The following OR5M1 variants were observed in gnomAD, a reference collection of about 807,000 sequenced individuals.
OR5M1 encodes the protein olfactory receptor 5M1.
For missense variants in OR5M1, 367 were observed against 379.5 expected (o/e 0.97, Z 0.27); for synonymous variants, 165 against 144.2 (o/e 1.14, Z -1.04).
Position 56,612,550 on chromosome 11 carries a change from C to T in OR5M1, c.*5G>A. 6.3e-7 allele frequency: 1 copy of T among 1,577,022 alleles called. No homozygotes were observed. Among genetic ancestry groups the T allele is most frequent in the Non-Finnish European group, 8.6e-7 (1 of 1,165,892 alleles). On this transcript the variant is annotated 3_prime_UTR_variant, in exon 2 of 2. Coordinates refer to ENST00000641076, the MANE Select transcript of OR5M1 (RefSeq NM_001004740.2). The stretch of plus-strand genomic sequence containing the variant: ...AGCAATTCGTGACTGCAAATAAACA[C>T]AAGCCTAAACTGCAATTTTATGAAA...
chr11:56,613,562 T>C, intron 1 of OR5M1, 43 bp from the exon 2 acceptor site: 2 of 1,495,294 alleles, frequency 1.3e-6, no homozygotes, highest in Non-Finnish European at 1.8e-6. Flanking sequence ...CTGATTCAGA[T>C]TTGGCATTTG....
chr11:56,613,758 C>T (rs1306860183), intron 1 of OR5M1, among the ~76,000 whole-genome samples: 1 of 152,134 alleles, frequency 6.6e-6, no homozygotes, highest in Non-Finnish European at 1.5e-5. Flanking sequence ...TTTCTCTCTG[C>T]CATACATGTA....
At chr11:56,614,560 T>C (rs12277665) in intron 1 of OR5M1, among the ~76,000 whole-genome samples, 90,184 of 151,812 alleles carry the variant, frequency 0.59, 28,378 homozygotes, top group East Asian at 0.86. Context: ...CAAGCCACTC[T>C]CTCTCAGTTC....
At chr11:56,614,632 T>G (rs1021993877) in intron 1 of OR5M1, among the ~76,000 whole-genome samples, 1 of 152,146 alleles carries the variant, frequency 6.6e-6, no homozygotes, top group Non-Finnish European at 1.5e-5. Context: ...TTAAAGCCAT[T>G]GTTTATTTAG....
intron 1 of OR5M1, among the ~76,000 whole-genome samples, chr11:56,613,768 A>C (rs1853712356): frequency 6.6e-6 from 1 of 152,222 alleles, no homozygotes; most frequent in African/African-American, 2.4e-5. Context: ...CCATACATGT[A>C]TACATACATA....
Position 56,609,540 on chromosome 11 carries a change from C to T in OR5M1, c.*3015G>A, listed in dbSNP as rs935605109. 1.3e-5 allele frequency: 2 copies of T among 151,878 alleles called. No homozygotes were observed. Among genetic ancestry groups the T allele is most frequent in the Non-Finnish European group, 2.9e-5 (2 of 67,824 alleles). 9.4% of individuals were successfully genotyped at this position (151,878 alleles called of 1,614,324 possible). Reference sequence around the variant, plus strand: ...TGATTATTCTCAAATATTACTAGTACAGGTTTAAGTTGCTAGAAGCTTTCT... The same window carrying T: ...TGATTATTCTCAAATATTACTAGTATAGGTTTAAGTTGCTAGAAGCTTTCT... On this transcript the variant is annotated 3_prime_UTR_variant, in exon 2 of 2. Transcript: ENST00000641076.
At position 56,610,343 on chromosome 11, in the gene OR5M1, ATTCTTAGGATACATATAAC is replaced by A. The variant is rs1853660869; in HGVS notation, c.*2193_*2211del. ...TTTTCAAGGGAAATTCTCATTAGCTATTCTTAGGATACATATAACTATCACATAATAACCACTATTTCAT... is the reference window on the plus strand; with the variant it reads ...TTTTCAAGGGAAATTCTCATTAGCTATATCACATAATAACCACTATTTCAT... On this transcript the variant is annotated 3_prime_UTR_variant, in exon 2 of 2. Coordinates refer to ENST00000641076, the MANE Select transcript of OR5M1 (RefSeq NM_001004740.2). 1 of 152,124 alleles carries A rather than the reference ATTCTTAGGATACATATAAC, an allele frequency of 6.6e-6. No homozygotes were observed. The highest frequency in any genetic ancestry group is 1.5e-5 in the Non-Finnish European group (1 of 67,968). The allele number at this position is 152,124 out of a possible 1,614,324, so 9.4% of individuals were successfully genotyped here.
At position 56,612,529 on chromosome 11, in the gene OR5M1, A is replaced by G. The variant is rs578070444; in HGVS notation, c.*26T>C. Reference sequence around the variant, plus strand: ...AAGCCAGTTTGTTACTCCACAAGCAATTCGTGACTGCAAATAAACACAAGC... The same window carrying G: ...AAGCCAGTTTGTTACTCCACAAGCAGTTCGTGACTGCAAATAAACACAAGC... On this transcript the variant is annotated 3_prime_UTR_variant, in exon 2 of 2. Coordinates refer to ENST00000641076, the MANE Select transcript of OR5M1 (RefSeq NM_001004740.2). The G allele has an allele frequency of 1.3e-6, 2 of 1,544,416 alleles. No homozygotes were observed. Among genetic ancestry groups the G allele is most frequent in the East Asian group, 2.3e-5 (1 of 44,412 alleles).
chr11:56,610,344 TTC>T lies in OR5M1; in HGVS notation c.*2209_*2210del, dbSNP rs1392085420. The T allele has an allele frequency of 2.0e-5, 3 of 152,126 alleles. No individual in the cohort carries two copies. Among genetic ancestry groups the T allele is most frequent in the African/African-American group, 7.2e-5 (3 of 41,464 alleles). The allele number at this position is 152,126 out of a possible 1,614,324, so 9.4% of individuals were successfully genotyped here. On this transcript the variant is annotated 3_prime_UTR_variant, in exon 2 of 2. Coordinates refer to ENST00000641076, the MANE Select transcript of OR5M1 (RefSeq NM_001004740.2). ...TTTCAAGGGAAATTCTCATTAGCTA[TTC>T]TTAGGATACATATAACTATCACATA...
In OR5M1 at chr11:56,613,434, T is replaced by C. The variant is rs753881438; in HGVS notation, c.69A>G (p.Leu23=). The C allele has an allele frequency of 1.9e-6, 3 of 1,613,502 alleles. No homozygotes were observed. The highest frequency in any genetic ancestry group is 2.2e-5 in the South Asian group (2 of 91,078). The change falls in exon 2 of 2, where the codon CTA becomes CTG. Residue 23 remains leucine, a synonymous_variant. Coordinates refer to ENST00000641076, the MANE Select transcript of OR5M1 (RefSeq NM_001004740.2). ...GGAATACCCCAAACAGGATCTTCTCTAGCACTGGGTCGTCTGTCAGTCCCA... is the reference window on the plus strand; with the variant it reads ...GGAATACCCCAAACAGGATCTTCTCCAGCACTGGGTCGTCTGTCAGTCCCA... ...ILLGLTDDPV[L]EKILFGVFLA...
At position 56,612,354 on chromosome 11, in the gene OR5M1, C is replaced by A; in HGVS notation, c.*201G>T. 2.7e-6 allele frequency: 1 copy of A among 370,178 alleles called. No individual in the cohort carries two copies. Among genetic ancestry groups the A allele is most frequent in the East Asian group, 4.3e-5 (1 of 23,160 alleles). 22.9% of individuals were successfully genotyped at this position (370,178 alleles called of 1,614,324 possible). ...AAATTTATTTTCATAGAATTTCTGA[C>A]AAATAAAACATTTTAAATTTCTCAA... On this transcript the variant is annotated 3_prime_UTR_variant, in exon 2 of 2. Coordinates refer to ENST00000641076, the MANE Select transcript of OR5M1 (RefSeq NM_001004740.2).
At chr11:56,613,553 T>G in intron 1 of OR5M1, 34 bp from the exon 2 acceptor site, 1 of 1,530,378 alleles carries the variant, frequency 6.5e-7, no homozygotes, top group Non-Finnish European at 9.0e-7. Flanking sequence ...GATTTCTCTC[T>G]GATTCAGATT....
Position 56,611,899 on chromosome 11 carries a change from G to A in OR5M1, c.*656C>T, listed in dbSNP as rs1853683349. On this transcript the variant is annotated 3_prime_UTR_variant, in exon 2 of 2. Coordinates refer to ENST00000641076, the MANE Select transcript of OR5M1 (RefSeq NM_001004740.2). ...GTTAAAGTAGTTTGATGATAGAATT[G>A]GATCCATACACTTGGAAACTCATAA... is the stretch of plus-strand genomic sequence containing the variant. 6.6e-6 allele frequency: 1 copy of A among 151,948 alleles called. No individual in the cohort carries two copies. The highest frequency in any genetic ancestry group is 2.1e-4 in the South Asian group (1 of 4,818). 9.4% of individuals were successfully genotyped at this position (151,948 alleles called of 1,614,324 possible).
rs753060219 is a variant in OR5M1 at position 56,612,586 on chromosome 11, C to G, written c.917G>C (p.Arg306Thr). Residue 306 changes from arginine (R) to threonine (T), a missense_variant, in exon 2 of 2, where the codon AGG becomes ACG. Transcript: ENST00000641076. ...DVILAMQQMI[R>T]GKSFHKIAV ...TGCAATTTTATGAAAGGATTTTCCC[C>G]TAATCATTTGTTGCATGGCAAGGAT... 1 of 1,605,188 alleles carries G rather than the reference C, an allele frequency of 6.2e-7. No homozygotes were observed. The highest frequency in any genetic ancestry group is 8.5e-7 in the Non-Finnish European group (1 of 1,177,718).
At position 56,613,526 on chromosome 11, in the gene OR5M1, G is replaced by A; in HGVS notation, c.-17-7C>T. The stretch of plus-strand genomic sequence containing the variant: ...ATCTTCTTATCTCTTGAAACTGAAA[G>A]TGACAAAGAATGTGAGGATTTCTCT... On this transcript the variant is annotated splice_polypyrimidine_tract_variant and splice_region_variant and intron_variant, in intron 1 of 1. Coordinates refer to ENST00000641076, the MANE Select transcript of OR5M1 (RefSeq NM_001004740.2). The A allele has an allele frequency of 6.3e-7, 1 of 1,590,520 alleles. No homozygotes were observed.
Position 56,612,714 on chromosome 11 carries a change from T to C in OR5M1, c.789A>G (p.Pro263=), listed in dbSNP as rs972112245. The C allele has an allele frequency of 2.5e-6, 4 of 1,613,736 alleles. No homozygotes were observed. In the African/African-American group the frequency reaches 4.0e-5, roughly 16 times the overall value. ...TGGACTCCTCTACAGACTTCTCTGA[T>C]GGAGGCCTTACGTACATGCAGAAGA... ...GTLFCMYVRP[P]SEKSVEESKI... Residue 263 remains proline (P), a synonymous_variant, in exon 2 of 2, where the codon CCA becomes CCG. Coordinates refer to ENST00000641076, the MANE Select transcript of OR5M1 (RefSeq NM_001004740.2).
chr11:56,614,816 CAA>C (rs3071382), intron 1 of OR5M1, 39 bp downstream of exon 1: 3 of 145,520 alleles, frequency 2.1e-5, no homozygotes, highest in Non-Finnish European at 4.5e-5. Flanking sequence ...CACACACACA[CAA>C]ATTGTATTTT....
In OR5M1 at chr11:56,614,640, T is replaced by C. The variant is rs143919869; in HGVS notation, c.-18+217A>G. 3.9e-4 allele frequency among the ~76,000 whole-genome samples: 60 copies of C among 152,236 alleles called. 1 individual carries two copies. In the East Asian group the frequency reaches 8.7e-3, roughly 22 times the overall value. On this transcript the variant is annotated intron_variant, in intron 1 of 1. Coordinates refer to ENST00000641076, the MANE Select transcript of OR5M1 (RefSeq NM_001004740.2). Reference sequence around the variant, plus strand: ...TTCCACCTTAAAGCCATTGTTTATTTAGTTCTCATGTATACATCAAAAGAG... The same window carrying C: ...TTCCACCTTAAAGCCATTGTTTATTCAGTTCTCATGTATACATCAAAAGAG...
Position 56,612,576 on chromosome 11 carries a change from G to A in OR5M1, c.927C>T (p.Ser309=). ...AAGCCTAAACTGCAATTTTATGAAA[G>A]GATTTTCCCCTAATCATTTGTTGCA... ...LAMQQMIRGK[S]FHKIAV Residue 309 remains serine (S), a synonymous_variant, in exon 2 of 2, where the codon TCC becomes TCT. Transcript: ENST00000641076. The A allele has an allele frequency of 2.5e-6, 4 of 1,599,584 alleles. No individual in the cohort carries two copies. The highest frequency in any genetic ancestry group is 3.4e-6 in the Non-Finnish European group (4 of 1,175,636).
Sources: allele counts gnomAD v4.1 joint callset (sites outside exome capture counted in the v4.1 genomes callset), GRCh38; gene constraint gnomAD v4.1.1; transcripts MANE v1.5; gene names NCBI Gene and HGNC (gene_info 2026-07-23, HGNC 2026-07-21).